FREM1: variants seen among roughly 807,000 people sequenced by gnomAD.
FREM1 encodes the protein FRAS1-related extracellular matrix protein 1.
In FREM1, 220 loss-of-function variants were observed where a neutral mutation model predicts 210.1. That is an observed-to-expected ratio of 1.05 (90% CI 0.94 to 1.17). FREM1 has a LOEUF of 1.17. Among genes scored for constraint, FREM1 ranks in the 50% most tolerant of loss-of-function variants. The pLI is 0.00. For missense variants in FREM1, 3,454 were observed against 2,675.5 expected (o/e 1.29, Z -6.42); for synonymous variants, 1,189 against 980.2 (o/e 1.21, Z -3.98).
intron 27 of FREM1, among the ~76,000 whole-genome samples, chr9:14,760,812 G>A (rs921972870): frequency 5.9e-5 from 9 of 152,054 alleles, no homozygotes; most frequent in Admixed American, 2.0e-4. Context: ...AGAGCAATAC[G>A]GTTTTATCTT....
chr9:14,773,587 G>A (rs1439971946), intron 25 of FREM1, among the ~76,000 whole-genome samples: 1 of 147,052 alleles, frequency 6.8e-6, no homozygotes, highest in Non-Finnish European at 1.5e-5. Flanking sequence ...TTACCTTGTG[G>A]GGTTTTTACA....
chr9:14,900,328 T>C (rs888816045), intron 1 of FREM1, among the ~76,000 whole-genome samples: 7 of 152,244 alleles, frequency 4.6e-5, no homozygotes, highest in African/African-American at 1.7e-4. Flanking sequence ...GGAGAACCAC[T>C]GCTGCAAATA....
chr9:14,804,735 T>C (rs10810248), intron 19 of FREM1, among the ~76,000 whole-genome samples: 27,731 of 151,934 alleles, frequency 0.18, 2,646 homozygotes, highest in South Asian at 0.24. Context: ...TTTTTTTCTC[T>C]CTCATAATTA....
At position 14,867,063 on chromosome 9, in the gene FREM1, T is replaced by C. The variant is rs145158574; in HGVS notation, c.234+1681A>G. ...TTAGTAGAGATGGAGTTTCACCATGTTGACCAGGCTGGTCTCTAACTCCTG... is the reference window on the plus strand; with the variant it reads ...TTAGTAGAGATGGAGTTTCACCATGCTGACCAGGCTGGTCTCTAACTCCTG... On this transcript the variant is annotated intron_variant, in intron 2 of 36. Transcript: ENST00000380880. Among the ~76,000 whole-genome samples the C allele has an allele frequency of 3.0e-3, 450 of 152,274 alleles. 4 individuals are homozygous for C. Among genetic ancestry groups the C allele is most frequent in the Admixed American group, 0.019 (291 of 15,298 alleles).
intron 28 of FREM1, among the ~76,000 whole-genome samples, chr9:14,758,855 T>G (rs1844912579): frequency 6.6e-6 from 1 of 152,198 alleles, no homozygotes; most frequent in Non-Finnish European, 1.5e-5. Flanking sequence ...AATAGCAAGT[T>G]GACTGATCTA....
intron 24 of FREM1, 103 bp downstream of exon 24, chr9:14,784,267 T>C (rs1180540549): frequency 4.9e-6 from 5 of 1,012,702 alleles, no homozygotes; most frequent in East Asian, 2.4e-5. Context: ...ATAAGATACA[T>C]GTATTTTGTG....
chr9:14,899,411 G>T lies in FREM1; in HGVS notation c.-268+10503C>A, dbSNP rs190434170. Among the ~76,000 whole-genome samples, 598 of 152,262 alleles carry T rather than the reference G, an allele frequency of 3.9e-3. 4 individuals are homozygous for T. The highest frequency in any genetic ancestry group is 0.014 in the African/African-American group (569 of 41,534). On this transcript the variant is annotated intron_variant, in intron 1 of 36. Coordinates refer to ENST00000380880, the MANE Select transcript of FREM1 (RefSeq NM_001379081.2). ...GGGTGGCCTGTGGAGAATGCAGGTG[G>T]GAGGGTGTTCTCAGGCAGTGGGATT...
chr9:14,739,825 G>C (rs546951160), intron 36 of FREM1, among the ~76,000 whole-genome samples: 28 of 151,804 alleles, frequency 1.8e-4, no homozygotes, highest in Non-Finnish European at 4.1e-4. Context: ...TCATGTGGCT[G>C]TACTATAATT....
At chr9:14,805,308 C>T (rs1285185375) in intron 18 of FREM1, among the ~76,000 whole-genome samples, 156 bp from the exon 19 acceptor site, 3 of 152,216 alleles carry the variant, frequency 2.0e-5, no homozygotes, top group Non-Finnish European at 4.4e-5. Flanking sequence ...GCTGCTACAA[C>T]AGCCAACCAT....
At chr9:14,899,162 C>T (rs967612356) in intron 1 of FREM1, among the ~76,000 whole-genome samples, 4 of 152,168 alleles carry the variant, frequency 2.6e-5, no homozygotes, top group African/African-American at 9.7e-5. Flanking sequence ...CTTTTGAGGA[C>T]TGTCTCTTCT....
chr9:14,796,736 C>T (rs1852468391), intron 21 of FREM1, among the ~76,000 whole-genome samples: 1 of 152,148 alleles, frequency 6.6e-6, no homozygotes, highest in African/African-American at 2.4e-5. Context: ...CTCTCTCCTG[C>T]TACCATGTGA....
chr9:14,891,612 T>C (rs1488457137), intron 1 of FREM1, among the ~76,000 whole-genome samples: 1 of 152,150 alleles, frequency 6.6e-6, no homozygotes, highest in Non-Finnish European at 1.5e-5. Context: ...TGGTGAGATA[T>C]ATTTTATGGT....
At chr9:14,861,227 A>C (rs1830387224) in intron 3 of FREM1, among the ~76,000 whole-genome samples, 2 of 105,266 alleles carry the variant, frequency 1.9e-5, no homozygotes, top group Non-Finnish European at 3.6e-5. Flanking sequence ...ATACACATAT[A>C]TACACATATA....
At chr9:14,873,695 C>A (rs1833158214) in intron 1 of FREM1, among the ~76,000 whole-genome samples, 1 of 152,044 alleles carries the variant, frequency 6.6e-6, no homozygotes, top group Non-Finnish European at 1.5e-5. Flanking sequence ...TTAGTTATTT[C>A]TTGCCTTCTG....
chr9:14,860,952 T>TAC (rs1830126421), intron 3 of FREM1, among the ~76,000 whole-genome samples: 1 of 127,216 alleles, frequency 7.9e-6, no homozygotes, highest in Admixed American at 8.2e-5. Flanking sequence ...TATACACATA[T>TAC]ACACATATAT....
At position 14,824,810 on chromosome 9, in the gene FREM1, G is replaced by C. The variant is rs777687704; in HGVS notation, c.2064C>G (p.Phe688Leu). The C allele has an allele frequency of 3.7e-6, 6 of 1,611,050 alleles. No homozygotes were observed. Among genetic ancestry groups the C allele is most frequent in the Non-Finnish European group, 5.1e-6 (6 of 1,178,442 alleles). The stretch of plus-strand genomic sequence containing the variant: ...TTTTCAGATACCTGTGGCTGAAGGA[G>C]AAAAATGGAGGAGTAGTTATTGTGT... ...LVYTITTPPF[F>L]SFSHRHLDAG... The change falls in exon 11 of 37, where the codon TTC becomes TTG. Residue 688 changes from phenylalanine (F) to leucine (L), a missense_variant. Phe to Leu is a conservative substitution (Grantham distance 22, BLOSUM62 0). Coordinates refer to ENST00000380880, the MANE Select transcript of FREM1 (RefSeq NM_001379081.2).
intron 1 of FREM1, among the ~76,000 whole-genome samples, chr9:14,899,968 G>T (rs1287250178): frequency 6.6e-6 from 1 of 152,166 alleles, no homozygotes; most frequent in Non-Finnish European, 1.5e-5. Flanking sequence ...TGTTTATACA[G>T]ACCATAACGT....
rs143147250 is a variant in FREM1, at chr9:14,881,268, G to A, written c.-267-12024C>T. Among the ~76,000 whole-genome samples the A allele has an allele frequency of 2.2e-3, 340 of 152,254 alleles. 2 individuals are homozygous for A. The highest frequency in any genetic ancestry group is 7.6e-3 in the African/African-American group (316 of 41,558). On this transcript the variant is annotated intron_variant, in intron 1 of 36. Coordinates refer to ENST00000380880, the MANE Select transcript of FREM1 (RefSeq NM_001379081.2). Reference sequence around the variant, plus strand: ...AGTCAATTTCCTGGTCTTTGTACATGTTGTGTATCACTGGTCAGCCTGTCT... The same window carrying A: ...AGTCAATTTCCTGGTCTTTGTACATATTGTGTATCACTGGTCAGCCTGTCT...
chr9:14,819,451 A>T lies in FREM1; in HGVS notation c.2338-9T>A. ...AGAGGGTTGGTGAACGCCTAGAAAG[A>T]AGAAAGGAAGGAAACATTCAAAGCC... On this transcript the variant is annotated splice_polypyrimidine_tract_variant and intron_variant, in intron 13 of 36. Coordinates refer to ENST00000380880, the MANE Select transcript of FREM1 (RefSeq NM_001379081.2). 5.1e-6 allele frequency: 8 copies of T among 1,583,556 alleles called. No homozygotes were observed. Among genetic ancestry groups the T allele is most frequent in the Non-Finnish European group, 6.9e-6 (8 of 1,154,306 alleles).
Sources: gnomAD v4.1 joint callset for allele counts (sites outside exome capture counted in the v4.1 genomes callset) on GRCh38, gnomAD v4.1.1 for gene constraint, MANE v1.5 for transcripts, NCBI Gene and HGNC (gene_info 2026-07-23, HGNC 2026-07-21) for gene names.